PLOD2: variants seen among roughly 807,000 people sequenced by gnomAD.
PLOD2 encodes the protein procollagen-lysine,2-oxoglutarate 5-dioxygenase 2.
In PLOD2, 65 loss-of-function variants were observed where a neutral mutation model predicts 101.0. The observed-to-expected ratio is 0.64, with a 90% CI of 0.53 to 0.79. PLOD2 has a LOEUF of 0.79. Ranked by LOEUF, PLOD2 falls within the 30% of genes least tolerant of loss-of-function variation. The pLI, the probability that PLOD2 is intolerant of heterozygous loss-of-function variation, is 0.00. For synonymous variants in PLOD2, 314 were observed against 302.9 expected, an observed-to-expected ratio of 1.04 and a Z score of -0.38; for missense variants, 909 against 914.6, an observed-to-expected ratio of 0.99 and a Z score of 0.08.
rs1437820411 is a variant in PLOD2 at position 146,160,866 on chromosome 3, C to A, written c.109+15G>T. On this transcript the variant is annotated intron_variant, in intron 1 of 19. Transcript: ENST00000282903. Reference sequence around the variant, plus strand: ...CCGAGCCTCGCGGGACAGCGGCGGACCGCGGGGTGCTCACCTGTGGGGATG... The same window carrying A: ...CCGAGCCTCGCGGGACAGCGGCGGAACGCGGGGTGCTCACCTGTGGGGATG... 2 of 1,509,510 alleles carry A rather than the reference C, an allele frequency of 1.3e-6. No individual in the cohort carries two copies. The highest frequency in any genetic ancestry group is 1.8e-6 in the Non-Finnish European group (2 of 1,105,974). The allele number at this position is 1,509,510 out of a possible 1,614,324, so 93.5% of individuals were successfully genotyped here. A position where few individuals can be genotyped will look rare whatever the true frequency, so the allele number is the denominator to read the frequency against.
chr3:146,154,433 T>A (rs1355212210), intron 1 of PLOD2, among the ~76,000 whole-genome samples: 1 of 151,048 alleles, frequency 6.6e-6, no homozygotes, highest in Non-Finnish European at 1.5e-5. Flanking sequence ...GCACAGAAAC[T>A]GATACTCCCT....
chr3:146,083,802 C>T (rs910657867), intron 11 of PLOD2, among the ~76,000 whole-genome samples: 3 of 151,870 alleles, frequency 2.0e-5, no homozygotes, highest in Admixed American at 6.6e-5. Flanking sequence ...AGGATGATCT[C>T]GATCTCCTGA....
intron 8 of PLOD2, among the ~76,000 whole-genome samples, chr3:146,091,435 A>G (rs1936965935): frequency 6.6e-6 from 1 of 151,926 alleles, no homozygotes; most frequent in Admixed American, 6.6e-5. Flanking sequence ...TTACATATCA[A>G]CTTTGAAAAT....
intron 5 of PLOD2, chr3:146,105,327 T>C (rs1294359885): frequency 6.6e-6 from 1 of 152,186 alleles, no homozygotes; most frequent in Non-Finnish European, 1.5e-5. Context: ...AGGGATTTCA[T>C]TATCATCTCT....
intron 7 of PLOD2, among the ~76,000 whole-genome samples, chr3:146,097,086 A>C (rs906915390): frequency 1.5e-5 from 2 of 137,594 alleles, no homozygotes; most frequent in African/African-American, 5.5e-5. Context: ...GGAAGTGAGG[A>C]GCCCCTCTGC....
chr3:146,072,785 G>C (rs936963511), intron 16 of PLOD2, 120 bp from the exon 17 acceptor site: 1 of 699,888 alleles, frequency 1.4e-6, no homozygotes, highest in South Asian at 1.7e-5. Context: ...ATAGTTTTCT[G>C]TCATGGTTTA....
intron 1 of PLOD2, among the ~76,000 whole-genome samples, chr3:146,141,897 T>A (rs974828581): frequency 1.3e-5 from 2 of 152,044 alleles, no homozygotes; most frequent in Admixed American, 6.6e-5. Flanking sequence ...TATTTTAAAT[T>A]GGAAGTTTAT....
chr3:146,096,596 A>G (rs1228849801), intron 7 of PLOD2, among the ~76,000 whole-genome samples: 7 of 83,822 alleles, frequency 8.4e-5, no homozygotes, highest in African/African-American at 3.7e-4. Flanking sequence ...GGAGGTGAGG[A>G]GTGTCTCTGC....
intron 7 of PLOD2, among the ~76,000 whole-genome samples, chr3:146,093,957 C>T (rs1247947929): frequency 6.6e-6 from 1 of 151,992 alleles, no homozygotes; most frequent in African/African-American, 2.4e-5. Context: ...TGACTAGAAA[C>T]TTCCCTCTTT....
At chr3:146,085,863 C>T (rs999120323) in intron 10 of PLOD2, 1 of 152,554 alleles carries the variant, frequency 6.6e-6, no homozygotes, top group Non-Finnish European at 1.5e-5. Flanking sequence ...GGCTCCCCTC[C>T]CTCACTGTCG....
Position 146,085,073 on chromosome 3 carries a change from CTCA to C in PLOD2, c.1232+93_1232+95del, listed in dbSNP as rs1159625231. On this transcript the variant is annotated intron_variant, in intron 11 of 19. Coordinates refer to ENST00000282903, the MANE Select transcript of PLOD2 (RefSeq NM_182943.3). ...TAGCTGTAGAACATAACTAAGTTCC[CTCA>C]ATTTACTAAATACACAATTACTACA... is the stretch of plus-strand genomic sequence containing the variant. 6.1e-6 allele frequency: 4 copies of C among 653,842 alleles called. No homozygotes were observed. The East Asian group carries it at 1.1e-4, about 18-fold the overall frequency. The allele number at this position is 653,842 out of a possible 1,614,324, so 40.5% of individuals were successfully genotyped here.
At chr3:146,111,362 G>A (rs1346110894) in intron 3 of PLOD2, among the ~76,000 whole-genome samples, 1 of 152,096 alleles carries the variant, frequency 6.6e-6, no homozygotes, top group Non-Finnish European at 1.5e-5. Flanking sequence ...TCTGCCAGGT[G>A]GGTTTCTAAT....
chr3:146,092,136 T>C (rs1936996666), intron 7 of PLOD2, among the ~76,000 whole-genome samples: 2 of 151,428 alleles, frequency 1.3e-5, no homozygotes, highest in African/African-American at 4.8e-5. Flanking sequence ...ATCATAAAGG[T>C]CATTTTATTT....
intron 3 of PLOD2, among the ~76,000 whole-genome samples, chr3:146,120,729 C>T (rs2030065719): frequency 6.6e-6 from 1 of 152,004 alleles, no homozygotes; most frequent in African/African-American, 2.4e-5. Flanking sequence ...AATTCCTTGT[C>T]AATAATTTTT....
At chr3:146,157,497 A>G (rs1161281350) in intron 1 of PLOD2, among the ~76,000 whole-genome samples, 3 of 152,220 alleles carry the variant, frequency 2.0e-5, no homozygotes, top group Non-Finnish European at 4.4e-5. Context: ...TGAGAGTGCT[A>G]TTCATGCACA....
intron 8 of PLOD2, among the ~76,000 whole-genome samples, chr3:146,089,647 G>A (rs1378041865): frequency 6.6e-6 from 1 of 151,480 alleles, no homozygotes; most frequent in Non-Finnish European, 1.5e-5. Context: ...TCCATTATCT[G>A]TATAATAACA....
In PLOD2 at chr3:146,073,318, G is replaced by T; in HGVS notation, c.1712C>A (p.Ser571Ter). 8.1e-7 allele frequency: 1 copy of T among 1,230,434 alleles called. No homozygotes were observed. The highest frequency in any genetic ancestry group is 1.3e-5 in the South Asian group (1 of 76,064). The allele number at this position is 1,230,434 out of a possible 1,614,324, so 76.2% of individuals were successfully genotyped here. A position where few individuals can be genotyped will look rare whatever the true frequency, so the allele number is the denominator to read the frequency against. Reference sequence around the variant, plus strand: ...AACTATATTTTCAGTGAAAATCTTTGAATAATCACGGTTTATATACTTTTC... The same window carrying T: ...AACTATATTTTCAGTGAAAATCTTTTAATAATCACGGTTTATATACTTTTC... ...WKEKYINRDYSKIFTENIVEQ... is the reference protein window; with the variant it reads ...WKEKYINRDY Residue 571 changes from serine to a stop codon, truncating the protein, a stop_gained, in exon 16 of 20, where the codon TCA (serine) becomes TAA (stop). Coordinates refer to ENST00000282903, the MANE Select transcript of PLOD2 (RefSeq NM_182943.3). LOFTEE classifies it high-confidence loss of function.
At chr3:146,077,543 C>G (rs143101149) in intron 14 of PLOD2, 1 of 225,356 alleles carries the variant, frequency 4.4e-6, no homozygotes, top group East Asian at 9.7e-5. Context: ...TAATCAAATT[C>G]TATTTTATAC....
intron 7 of PLOD2, among the ~76,000 whole-genome samples, chr3:146,100,619 T>C (rs9820945): frequency 0.78 from 118,329 of 152,132 alleles, 46,087 homozygotes; most frequent in East Asian, 0.83. Context: ...AGAAGATTTG[T>C]AGACACAGCA....
Sources: allele counts gnomAD v4.1 joint callset (sites outside exome capture counted in the v4.1 genomes callset), GRCh38; gene constraint gnomAD v4.1.1; transcripts MANE v1.5; gene names NCBI Gene and HGNC (gene_info 2026-07-23, HGNC 2026-07-21).